The following AUNIP variants were observed in gnomAD, a reference collection of about 807,000 sequenced individuals.
AUNIP encodes aurora kinase A- and ninein-interacting protein.
A neutral mutation model predicts 12.2 loss-of-function variants in AUNIP; 16 were observed. That is an observed-to-expected ratio of 1.31 (90% CI 0.88 to 1.99). The LOEUF is 1.99. Among genes scored for constraint, AUNIP ranks in the 30% most tolerant of loss-of-function variants. The pLI is 0.00. For missense variants in AUNIP, 411 were observed against 419.1 expected, an observed-to-expected ratio of 0.98 and a Z score of 0.17; for synonymous variants, 142 against 154.8, an observed-to-expected ratio of 0.92 and a Z score of 0.61.
At chr1:25,836,982 T>C (rs1328090792) in intron 2 of AUNIP, among the ~76,000 whole-genome samples, 5 of 152,202 alleles carry the variant, frequency 3.3e-5, no homozygotes, top group African/African-American at 1.2e-4. Context: ...CAACTTTATG[T>C]GAGGCTAAGA....
In AUNIP at chr1:25,835,746, G is replaced by C. The variant is rs1307387622; in HGVS notation, c.321C>G (p.Ile107Met). Reference sequence around the variant, plus strand: ...CCATGCAATCGTGTGCTAAGCCTGGGATCAAATGGTCTAGCTGGGTCGCAT... The same window carrying C: ...CCATGCAATCGTGTGCTAAGCCTGGCATCAAATGGTCTAGCTGGGTCGCAT... ...KKNATQLDHL[I>M]PGLAHDCMAS... The change falls in exon 3 of 3, where the codon ATC (isoleucine) becomes ATG (methionine). Residue 107 changes from isoleucine (I) to methionine (M), a missense_variant. Transcript: ENST00000374298. The C allele has an allele frequency of 1.9e-6, 3 of 1,614,114 alleles. No individual in the cohort carries two copies. Among genetic ancestry groups the C allele is most frequent in the Non-Finnish European group, 2.5e-6 (3 of 1,180,054 alleles).
chr1:25,859,007 C>A (rs2048485095), intron 1 of AUNIP, among the ~76,000 whole-genome samples: 1 of 152,170 alleles, frequency 6.6e-6, no homozygotes. Flanking sequence ...TCCGCCTCTC[C>A]CACACCTGAA....
chr1:25,844,969 ATTGT>A (rs1240918528), intron 1 of AUNIP, among the ~76,000 whole-genome samples: 1 of 152,206 alleles, frequency 6.6e-6, no homozygotes, highest in Non-Finnish European at 1.5e-5. Context: ...CCTAAGGAGG[ATTGT>A]TTAAGAAGTG....
chr1:25,855,415 G>A lies in AUNIP; in HGVS notation c.78+3865C>T, dbSNP rs2048453822. Among the ~76,000 whole-genome samples the A allele has an allele frequency of 2.0e-5, 3 of 152,030 alleles. 1 individual carries two copies. The highest frequency in any genetic ancestry group is 7.3e-5 in the African/African-American group (3 of 41,374). On this transcript the variant is annotated intron_variant, in intron 1 of 2. Coordinates refer to ENST00000374298, the MANE Select transcript of AUNIP (RefSeq NM_024037.3). ...AATTCCTGGCTTCCCAAAGTGCTGA[G>A]CTTCCCAAAGTGCTGAGATTACAGG...
At chr1:25,833,773 TAAAA>T (rs77483237), downstream of AUNIP, among the ~76,000 whole-genome samples, 2 of 141,172 alleles carry the variant, frequency 1.4e-5, no homozygotes, top group Non-Finnish European at 1.6e-5. Flanking sequence ...AAATTTAAGT[TAAAA>T]AAAAAAAAAG....
At position 25,834,209 on chromosome 1, in the gene AUNIP, C is replaced by T; in HGVS notation, c.*784G>A. The T allele has an allele frequency of 1.0e-6, 1 of 985,364 alleles. No homozygotes were observed. The highest frequency in any genetic ancestry group is 1.2e-6 in the Non-Finnish European group (1 of 829,918). 61.0% of individuals were successfully genotyped at this position (985,364 alleles called of 1,614,324 possible). A position where few individuals can be genotyped will look rare whatever the true frequency, so the allele number is the denominator to read the frequency against. ...AGGAAACTAGCACCATTCTACCTCTCTTCTCTCCACACCTGGGTTGTGGGG... is the reference window on the plus strand; with the variant it reads ...AGGAAACTAGCACCATTCTACCTCTTTTCTCTCCACACCTGGGTTGTGGGG... On this transcript the variant is annotated 3_prime_UTR_variant, in exon 3 of 3. Transcript: ENST00000374298.
chr1:25,835,334 C>T lies in AUNIP; in HGVS notation c.733G>A (p.Val245Ile). The T allele has an allele frequency of 6.2e-7, 1 of 1,614,206 alleles. No individual in the cohort carries two copies. The highest frequency in any genetic ancestry group is 8.5e-7 in the Non-Finnish European group (1 of 1,180,032). The change falls in exon 3 of 3, where the codon GTC becomes ATC. Residue 245 changes from valine to isoleucine, a missense_variant. Transcript: ENST00000374298. ...GATTCCCTGTATGTTTGAAGGAGGACAGGGGCCTGCCTGTTTTCTTTGGCA... is the reference window on the plus strand; with the variant it reads ...GATTCCCTGTATGTTTGAAGGAGGATAGGGGCCTGCCTGTTTTCTTTGGCA... ...VSAKENRQAPVLLQTYRESWN... is the reference protein window; with the variant it reads ...VSAKENRQAPILLQTYRESWN...
At chr1:25,856,043 G>A (rs1212310991) in intron 1 of AUNIP, among the ~76,000 whole-genome samples, 2 of 152,154 alleles carry the variant, frequency 1.3e-5, no homozygotes, top group African/African-American at 4.8e-5. Context: ...AACATTGCCA[G>A]GGAAAAAGGC....
chr1:25,838,417 C>T (rs1464815690), intron 1 of AUNIP, among the ~76,000 whole-genome samples: 2 of 151,914 alleles, frequency 1.3e-5, no homozygotes, highest in African/African-American at 2.4e-5. Context: ...GCAGAAGAAT[C>T]GCTTTAACCA....
chr1:25,856,679 A>AAAC (rs148693659), intron 1 of AUNIP, among the ~76,000 whole-genome samples: 2,967 of 152,042 alleles, frequency 0.02, 76 homozygotes, highest in African/African-American at 0.06. Flanking sequence ...CCATTTCGGA[A>AAAC]AACAACAACA....
At position 25,834,570 on chromosome 1, in the gene AUNIP, TCGC is replaced by T. The variant is rs2048283047; in HGVS notation, c.*420_*422del. Reference sequence around the variant, plus strand: ...AGACAGAGGGTGCAGTGAGCTGAGGTCGCACCACTGCACTCCAGCCTGGCAACA... The same window carrying T: ...AGACAGAGGGTGCAGTGAGCTGAGGTACCACTGCACTCCAGCCTGGCAACA... On this transcript the variant is annotated 3_prime_UTR_variant, in exon 3 of 3. Transcript: ENST00000374298. The T allele has an allele frequency of 1.1e-6, 1 of 902,942 alleles. No homozygotes were observed. Among genetic ancestry groups the T allele is most frequent in the African/African-American group, 2.0e-5 (1 of 50,636 alleles). The allele number at this position is 902,942 out of a possible 1,614,324, so 55.9% of individuals were successfully genotyped here. A position where few individuals can be genotyped will look rare whatever the true frequency, so the allele number is the denominator to read the frequency against.
At chr1:25,835,972 C>G in intron 2 of AUNIP, 126 bp from the exon 3 acceptor site, 1 of 1,375,806 alleles carries the variant, frequency 7.3e-7, no homozygotes, top group Non-Finnish European at 9.7e-7. Context: ...TAAGACTCTT[C>G]ACATAACTTT....
chr1:25,856,645 A>G (rs1441290429), intron 1 of AUNIP, among the ~76,000 whole-genome samples: 1 of 152,140 alleles, frequency 6.6e-6, no homozygotes, highest in East Asian at 1.9e-4. Flanking sequence ...ACTGCACTCC[A>G]GCCCGGGCAA....
chr1:25,849,379 C>CA (rs1375843381), intron 1 of AUNIP, among the ~76,000 whole-genome samples: 1 of 152,154 alleles, frequency 6.6e-6, no homozygotes, highest in African/African-American at 2.4e-5. Flanking sequence ...TCATTTCCCC[C>CA]AAAAGAAACC....
intron 1 of AUNIP, among the ~76,000 whole-genome samples, chr1:25,859,069 CT>C (rs1346903601): frequency 6.6e-6 from 1 of 152,114 alleles, no homozygotes; most frequent in Non-Finnish European, 1.5e-5. Flanking sequence ...CAACAGCACG[CT>C]CTTTCCTTCC....
At chr1:25,852,388 A>G (rs1386984148) in intron 1 of AUNIP, among the ~76,000 whole-genome samples, 1 of 149,660 alleles carries the variant, frequency 6.7e-6, no homozygotes, top group African/African-American at 2.5e-5. Context: ...TCTGGTCACT[A>G]TGGGTTTAGA....
chr1:25,848,466 T>G (rs1455589457), intron 1 of AUNIP, among the ~76,000 whole-genome samples: 11 of 78,194 alleles, frequency 1.4e-4, no homozygotes, highest in African/African-American at 9.1e-4. Flanking sequence ...CGGGCAAAAA[T>G]TTTTGAAACT....
Position 25,859,408 on chromosome 1 carries a change from C to T in AUNIP, c.-51G>A, listed in dbSNP as rs1028798182. The T allele has an allele frequency of 2.8e-5, 41 of 1,458,744 alleles. No homozygotes were observed. Among genetic ancestry groups the T allele is most frequent in the Non-Finnish European group, 3.4e-5 (38 of 1,111,916 alleles). 90.4% of individuals were successfully genotyped at this position (1,458,744 alleles called of 1,614,324 possible). On this transcript the variant is annotated 5_prime_UTR_variant, in exon 1 of 3. Coordinates refer to ENST00000374298, the MANE Select transcript of AUNIP (RefSeq NM_024037.3). ...GGACGCCGGCGCAGGCTCCCGGCGC[C>T]TCAGGGAACGCCAGAACCGCGGCCG...
At chr1:25,832,487 G>C, downstream of AUNIP, 1 of 310,264 alleles carries the variant, frequency 3.2e-6, no homozygotes, top group Non-Finnish European at 6.3e-6. Context: ...ACAGGGCACG[G>C]AAAATCTTAT....
Sources: allele counts gnomAD v4.1 joint callset (sites outside exome capture counted in the v4.1 genomes callset), GRCh38; gene constraint gnomAD v4.1.1; transcripts MANE v1.5; gene names NCBI Gene and HGNC (gene_info 2026-07-23, HGNC 2026-07-21).